CNTN3: variants seen among roughly 807,000 people sequenced by gnomAD.
The protein encoded by CNTN3 is contactin-3.
In CNTN3, 60 loss-of-function variants were observed where a neutral mutation model predicts 119.1. That is an observed-to-expected ratio of 0.50 (90% confidence interval 0.41 to 0.62). CNTN3 has a LOEUF of 0.62. CNTN3 is among the 20% of genes least tolerant of loss of function. The pLI is 0.00. For synonymous variants in CNTN3, 450 were observed against 438.7 expected (o/e 1.03, Z -0.32); for missense variants, 1,101 against 1,242.4 (o/e 0.89, Z 1.71).
At chr3:74,415,197 T>G (rs141670913) in intron 5 of CNTN3, among the ~76,000 whole-genome samples, 1 of 152,112 alleles carries the variant, frequency 6.6e-6, no homozygotes. Flanking sequence ...ATCCTACCAC[T>G]GCAGACCAGT....
intron 1 of CNTN3, among the ~76,000 whole-genome samples, chr3:74,556,797 A>G (rs529739499): frequency 1.3e-5 from 2 of 152,202 alleles, no homozygotes; most frequent in African/African-American, 2.4e-5. Context: ...CCTTGTCAAC[A>G]TTTGTTATAT....
At chr3:74,461,737 T>C (rs1702371681) in intron 4 of CNTN3, among the ~76,000 whole-genome samples, 2 of 152,082 alleles carry the variant, frequency 1.3e-5, no homozygotes, top group African/African-American at 4.8e-5. Flanking sequence ...GACAAAAAAT[T>C]GAGGAACTGG....
intron 5 of CNTN3, among the ~76,000 whole-genome samples, chr3:74,384,370 G>A (rs144129061): frequency 2.0e-5 from 3 of 152,272 alleles, no homozygotes; most frequent in East Asian, 3.9e-4. Context: ...GTATTCTTCC[G>A]CCAACATGAT....
intron 4 of CNTN3, among the ~76,000 whole-genome samples, chr3:74,427,253 A>G (rs1701709829): frequency 6.6e-6 from 1 of 152,182 alleles, no homozygotes; most frequent in African/African-American, 2.4e-5. Context: ...CTTTGCTGAA[A>G]AGGTGGTAAG....
chr3:74,555,019 T>A (rs1704048005), intron 1 of CNTN3, among the ~76,000 whole-genome samples: 1 of 152,188 alleles, frequency 6.6e-6, no homozygotes, highest in South Asian at 2.1e-4. Context: ...TTCCAGTTAT[T>A]GCCCATCCAG....
chr3:74,373,132 A>G (rs753191368), intron 5 of CNTN3, among the ~76,000 whole-genome samples: 12 of 152,210 alleles, frequency 7.9e-5, no homozygotes, highest in Non-Finnish European at 1.6e-4. Context: ...CTCTAAAGTC[A>G]CTTATCGGGT....
intron 1 of CNTN3, among the ~76,000 whole-genome samples, chr3:74,537,837 G>C (rs1006582588): frequency 6.6e-6 from 1 of 152,064 alleles, no homozygotes; most frequent in African/African-American, 2.4e-5. Context: ...GTCTACAGGG[G>C]AATGGCAAAA....
intron 4 of CNTN3, among the ~76,000 whole-genome samples, chr3:74,460,810 TATATATATGC>T (rs1400211712): frequency 8.4e-5 from 11 of 130,294 alleles, no homozygotes; most frequent in African/African-American, 2.9e-4. Flanking sequence ...TATATATATA[TATATATATGC>T]CTTTCATTTC....
At chr3:74,425,309 T>C (rs1398188266) in intron 4 of CNTN3, among the ~76,000 whole-genome samples, 1 of 152,190 alleles carries the variant, frequency 6.6e-6, no homozygotes, top group Non-Finnish European at 1.5e-5. Context: ...CTAACATTTA[T>C]CTTCTGCTTA....
At chr3:74,473,555 C>A (rs910824395) in intron 4 of CNTN3, among the ~76,000 whole-genome samples, 2 of 152,178 alleles carry the variant, frequency 1.3e-5, no homozygotes, top group East Asian at 3.8e-4. Context: ...TTCATCATTT[C>A]ATTTATTGAA....
chr3:74,420,981 C>T (rs1701606930), intron 5 of CNTN3, among the ~76,000 whole-genome samples: 1 of 152,106 alleles, frequency 6.6e-6, no homozygotes, highest in African/African-American at 2.4e-5. Context: ...TGGTTAAGAG[C>T]CCACGCTCTT....
chr3:74,500,704 G>A (rs948569614), intron 2 of CNTN3, among the ~76,000 whole-genome samples: 3 of 151,868 alleles, frequency 2.0e-5, no homozygotes, highest in Admixed American at 6.6e-5. Context: ...TGGCTACTTC[G>A]AATAGCAGTT....
intron 20 of CNTN3, among the ~76,000 whole-genome samples, chr3:74,274,054 A>G (rs1701833491): frequency 6.6e-6 from 1 of 151,974 alleles, no homozygotes; most frequent in Non-Finnish European, 1.5e-5. Flanking sequence ...CACTTCTCTG[A>G]CAATCTGCAT....
intron 13 of CNTN3, among the ~76,000 whole-genome samples, chr3:74,321,808 C>T (rs1196246542): frequency 6.6e-6 from 1 of 152,108 alleles, no homozygotes; most frequent in Non-Finnish European, 1.5e-5. Flanking sequence ...GGATCAATTC[C>T]TTGAAAGATA....
intron 1 of CNTN3, among the ~76,000 whole-genome samples, chr3:74,577,567 A>T (rs1285252569): frequency 6.6e-6 from 1 of 152,090 alleles, no homozygotes; most frequent in East Asian, 1.9e-4. Context: ...ATTATTCATG[A>T]TCACTCCTTC....
At chr3:74,355,872 T>C (rs1212627427) in intron 11 of CNTN3, among the ~76,000 whole-genome samples, 1 of 152,016 alleles carries the variant, frequency 6.6e-6, no homozygotes, top group Non-Finnish European at 1.5e-5. Flanking sequence ...TACACTGTCA[T>C]TGACAATAAG....
intron 4 of CNTN3, among the ~76,000 whole-genome samples, chr3:74,427,662 G>A (rs576679148): frequency 1.1e-4 from 16 of 152,196 alleles, no homozygotes; most frequent in South Asian, 4.1e-4. Flanking sequence ...GTGAAAGACC[G>A]AGTGCTTTCC....
In CNTN3 at chr3:74,315,491, T is replaced by C. The variant is rs1702807838; in HGVS notation, c.1669-12684A>G. On this transcript the variant is annotated intron_variant, in intron 13 of 22. Coordinates refer to ENST00000263665, the MANE Select transcript of CNTN3 (RefSeq NM_020872.3). ...CAGTAACAACAGCAGGTTACACATT[T>C]TTCTCAAGCTCATATGGAATGTTCA... is the stretch of plus-strand genomic sequence containing the variant. 2.6e-5 allele frequency among the ~76,000 whole-genome samples: 4 copies of C among 152,178 alleles called. No homozygotes were observed. The South Asian group carries it at 6.2e-4, about 24-fold the overall frequency.
chr3:74,410,271 A>G (rs945845427), intron 5 of CNTN3, among the ~76,000 whole-genome samples: 1 of 152,176 alleles, frequency 6.6e-6, no homozygotes, highest in South Asian at 2.1e-4. Flanking sequence ...GAGACTCAGA[A>G]CCACAGCTAT....
Sources: gnomAD v4.1 joint callset for allele counts (sites outside exome capture counted in the v4.1 genomes callset) on GRCh38, gnomAD v4.1.1 for gene constraint, MANE v1.5 for transcripts, NCBI Gene and HGNC (gene_info 2026-07-23, HGNC 2026-07-21) for gene names.